Variants in PCID2 observed in about 807,000 individuals in gnomAD.
PCID2 encodes the protein PCI domain containing 2.
Under a neutral mutation model 61.3 loss-of-function variants are expected in PCID2, and 41 were observed. The ratio of observed to expected loss-of-function variants is 0.67; its 90% CI spans 0.52 to 0.87. PCID2 has a LOEUF of 0.87. Among genes scored for constraint, PCID2 ranks in the 40% least tolerant of loss-of-function variants. The pLI is 0.00. For missense variants in PCID2, 392 were observed against 493.4 expected, an observed-to-expected ratio of 0.79 and a Z score of 1.95; for synonymous variants, 187 against 177.8, an observed-to-expected ratio of 1.05 and a Z score of -0.41.
intron 9 of PCID2, chr13:113,183,805 T>C (rs944014719): frequency 9.1e-6 from 9 of 984,574 alleles, no homozygotes; most frequent in Non-Finnish European, 1.1e-5. Flanking sequence ...ACTAATACAA[T>C]AGTGTCAGGT....
At chr13:113,173,229 T>G (rs1446543883), downstream of PCID2, among the ~76,000 whole-genome samples, 2 of 152,192 alleles carry the variant, frequency 1.3e-5, no homozygotes, top group Non-Finnish European at 2.9e-5. Context: ...TGAATCACAG[T>G]AAACACCTGC....
At chr13:113,170,248 T>C in the PCID2 span, among the ~76,000 whole-genome samples, 52 of 137,734 alleles carry the variant, frequency 3.8e-4, no homozygotes, top group Admixed American at 1.5e-3. Context: ...TTAACAATCC[T>C]GTACCATTTG....
intron 6 of PCID2, among the ~76,000 whole-genome samples, chr13:113,193,631 T>C (rs529859409): frequency 2.8e-4 from 42 of 152,350 alleles, no homozygotes; most frequent in African/African-American, 1.0e-3. Context: ...ATGAATATTT[T>C]AAAATCTTTT....
At chr13:113,181,920 CA>C (rs1340801865) in intron 9 of PCID2, among the ~76,000 whole-genome samples, 1 of 152,184 alleles carries the variant, frequency 6.6e-6, no homozygotes, top group African/African-American at 2.4e-5. Context: ...AACAGGCAGG[CA>C]GGAGCTGAGC....
chr13:113,174,652 T>C, downstream of PCID2, among the ~76,000 whole-genome samples: 1 of 152,108 alleles, frequency 6.6e-6, no homozygotes, highest in East Asian at 1.9e-4. Context: ...GCCCAGCTAA[T>C]TTTTGTATTT....
chr13:113,196,206 A>G lies in PCID2; in HGVS notation c.283T>C (p.Phe95Leu), dbSNP rs1442318293. Residue 95 changes from phenylalanine to leucine, a missense_variant, in exon 5 of 14, where the codon TTC (phenylalanine) becomes CTC (leucine). Physicochemically the swap from Phe to Leu is conservative, Grantham distance 22 (BLOSUM62 0). This residue lies in a region of PCID2 where 155 missense variants were observed against 164.9 expected (regional missense o/e 0.94). Coordinates refer to ENST00000337344, the MANE Select transcript of PCID2 (RefSeq NM_001127202.4). ...TVIVQSFLRAFQAHKEENWAL... is the reference protein window; with the variant it reads ...TVIVQSFLRALQAHKEENWAL... ...CAGTTTTCTTCTTTGTGGGCCTGGA[A>G]TGCTCGCAAGAATGATGTACTGTAT... 1 of 1,603,318 alleles carries G rather than the reference A, an allele frequency of 6.2e-7. No individual in the cohort carries two copies. The highest frequency in any genetic ancestry group is 8.5e-7 in the Non-Finnish European group (1 of 1,171,754).
At chr13:113,204,714 A>G (rs74727288) in intron 1 of PCID2, among the ~76,000 whole-genome samples, 1,568 of 152,274 alleles carry the variant, frequency 0.01, 13 homozygotes, top group Non-Finnish European at 0.014. Context: ...CCCTGCCTCA[A>G]TGACTAAACT....
intron 3 of PCID2, 32 bp from the exon 4 acceptor site, chr13:113,197,275 A>G: frequency 3.4e-6 from 5 of 1,482,068 alleles, no homozygotes; most frequent in Non-Finnish European, 4.7e-6. Flanking sequence ...GCTGTCACAC[A>G]ATAAAAACCT....
chr13:113,197,029 G>C, intron 4 of PCID2, 149 bp downstream of exon 4: 2 of 1,613,090 alleles, frequency 1.2e-6, no homozygotes, highest in South Asian at 1.1e-5. Flanking sequence ...CCAAGTGAAA[G>C]AGCTGAAACG....
At chr13:113,194,219 C>T (rs2038835771) in intron 6 of PCID2, among the ~76,000 whole-genome samples, 1 of 152,198 alleles carries the variant, frequency 6.6e-6, no homozygotes, top group Admixed American at 6.5e-5. Context: ...GACCTGCTGA[C>T]TTCTTTGCGC....
At position 113,200,576 on chromosome 13, in the gene PCID2, TACA is replaced by T. The variant is rs372676208; in HGVS notation, c.37-63_37-61del. 5,384 of 1,062,206 alleles carry T rather than the reference TACA, an allele frequency of 5.1e-3. 28 individuals are homozygous for T. Among genetic ancestry groups the T allele is most frequent in the Non-Finnish European group, 6.7e-3 (4,591 of 683,040 alleles). The allele number at this position is 1,062,206 out of a possible 1,614,324, so 65.8% of individuals were successfully genotyped here. A position where few individuals can be genotyped will look rare whatever the true frequency, so the allele number is the denominator to read the frequency against. ...TAAAATATTCTGTTCGAATAGAACC[TACA>T]ACAATACACTGAATGCCACACAGGG... On this transcript the variant is annotated intron_variant, in intron 1 of 13. Transcript: ENST00000337344.
At chr13:113,171,454 C>T in the PCID2 span, 4 of 988,902 alleles carry the variant, frequency 4.0e-6, no homozygotes, top group Non-Finnish European at 6.1e-6. The surrounding 1 kb of genome is among the most constrained non-coding windows in gnomAD (Gnocchi z 5.1). Flanking sequence ...GGCACAGTGT[C>T]CACACCACGG....
Position 113,190,987 on chromosome 13 carries a change from T to C in PCID2, c.364-12A>G, listed in dbSNP as rs768717204. 2.5e-6 allele frequency: 4 copies of C among 1,576,118 alleles called. No homozygotes were observed. In the South Asian group the frequency reaches 3.3e-5, roughly 13 times the overall value. ...AACTGTTGATCTGCCTAATAAAATA[T>C]AAGAACTTTTATTTCATTTTTCCGA... On this transcript the variant is annotated splice_polypyrimidine_tract_variant and intron_variant, in intron 6 of 13. Transcript: ENST00000337344.
intron 8 of PCID2, among the ~76,000 whole-genome samples, chr13:113,184,931 G>A (rs1351256913): frequency 2.0e-5 from 3 of 151,748 alleles, no homozygotes; most frequent in African/African-American, 7.3e-5. Context: ...CTGGGAAGCC[G>A]TTCCAGGGGG....
At chr13:113,207,507 C>G (rs1013924225) in intron 1 of PCID2, among the ~76,000 whole-genome samples, 4 of 152,058 alleles carry the variant, frequency 2.6e-5, no homozygotes, top group African/African-American at 9.7e-5. Context: ...AGGCCCTGGG[C>G]TTACATCAAA....
At chr13:113,168,741 T>G in the PCID2 span, among the ~76,000 whole-genome samples, 1 of 152,224 alleles carries the variant, frequency 6.6e-6, no homozygotes, top group African/African-American at 2.4e-5. Context: ...TAATTTTCTT[T>G]TTTTTGAGAC....
intron 9 of PCID2, among the ~76,000 whole-genome samples, chr13:113,181,752 C>T (rs976439817): frequency 1.3e-5 from 2 of 152,200 alleles, no homozygotes; most frequent in Non-Finnish European, 2.9e-5. Flanking sequence ...ATTACTAACA[C>T]ACAACATATT....
At chr13:113,197,061 T>C (rs773794759) in intron 4 of PCID2, 117 bp downstream of exon 4, 4 of 1,614,212 alleles carry the variant, frequency 2.5e-6, no homozygotes, top group Admixed American at 1.7e-5. Context: ...CAAAACACTG[T>C]CATTCCTTTC....
chr13:113,202,091 T>C (rs953862226), intron 1 of PCID2, among the ~76,000 whole-genome samples: 10 of 152,158 alleles, frequency 6.6e-5, no homozygotes, highest in African/African-American at 2.4e-4. Context: ...GGCTCACACA[T>C]TGGTGATGGG....
Sources: gnomAD v4.1 joint callset for allele counts (sites outside exome capture counted in the v4.1 genomes callset) on GRCh38, gnomAD v4.1.1 for gene constraint, gnomAD v4.1.1 regional missense constraint, Gnocchi (gnomAD v3.1) non-coding constraint, MANE v1.5 for transcripts, NCBI Gene and HGNC (gene_info 2026-07-23, HGNC 2026-07-21) for gene names.